Variants in CPAP observed in about 807,000 individuals in gnomAD.
CPAP encodes the protein centrosomal P4.1-associated protein.
chr13:24,903,566 A>G, the CPAP span, among the ~76,000 whole-genome samples: 53 of 152,226 alleles, frequency 3.5e-4, no homozygotes, highest in Non-Finnish European at 1.5e-5. Context: ...AGCCTCCAGA[A>G]TCACAAGAAA....
chr13:24,893,010 G>A, the CPAP span: 1 of 704,230 alleles, frequency 1.4e-6, no homozygotes, highest in South Asian at 1.7e-5. Flanking sequence ...TAAGACGAAT[G>A]TCGTGGTTTT....
chr13:24,906,888 T>C, the CPAP span: 7 of 1,614,096 alleles, frequency 4.3e-6, no homozygotes, highest in Non-Finnish European at 5.9e-6. Context: ...TTAGTAAATC[T>C]AGCTAAACCT....
the CPAP span, chr13:24,903,774 T>C: frequency 1.2e-6 from 1 of 847,770 alleles, no homozygotes; most frequent in East Asian, 2.5e-5. Context: ...GTCATTTTAT[T>C]CAGTAAAAAA....
At chr13:24,908,344 A>C in the CPAP span, among the ~76,000 whole-genome samples, 1 of 148,040 alleles carries the variant, frequency 6.8e-6, no homozygotes, top group South Asian at 2.1e-4. Flanking sequence ...CACACCTGTA[A>C]TCCCAGCACT....
At chr13:24,899,690 C>A in the CPAP span, 1 of 833,826 alleles carries the variant, frequency 1.2e-6, no homozygotes, top group Middle Eastern at 2.2e-4. Flanking sequence ...AATTCATCTT[C>A]AATCCATAGG....
chr13:24,905,446 C>T, the CPAP span: 35 of 1,614,182 alleles, frequency 2.2e-5, no homozygotes, highest in East Asian at 5.1e-4. Flanking sequence ...TCATCATCAG[C>T]TCCGATGTAG....
chr13:24,907,090 C>A, the CPAP span: 1 of 1,612,534 alleles, frequency 6.2e-7, no homozygotes, highest in Non-Finnish European at 8.5e-7. Flanking sequence ...CAATTGCTGA[C>A]CTTCAGCTGT....
the CPAP span, chr13:24,904,069 G>C: frequency 6.2e-7 from 1 of 1,613,438 alleles, no homozygotes; most frequent in Non-Finnish European, 8.5e-7. Flanking sequence ...CTATGAAATA[G>C]GCCATAAATA....
chr13:24,909,883 G>A, the CPAP span: 14 of 1,613,810 alleles, frequency 8.7e-6, no homozygotes, highest in African/African-American at 5.3e-5. Flanking sequence ...GGAGACGCAC[G>A]TTTTGAAGTT....
the CPAP span, chr13:24,886,165 C>T: frequency 2.4e-5 from 12 of 509,678 alleles, no homozygotes; most frequent in Non-Finnish European, 4.2e-5. Flanking sequence ...GTGAATCTCT[C>T]TCTAAAAATA....
chr13:24,907,036 T>C, the CPAP span: 2 of 1,595,460 alleles, frequency 1.3e-6, no homozygotes, highest in Non-Finnish European at 1.7e-6. Flanking sequence ...AGGCAAATTA[T>C]AGATAAATCT....
chr13:24,883,919 G>C, the CPAP span: 1 of 1,612,828 alleles, frequency 6.2e-7, no homozygotes, highest in Non-Finnish European at 8.5e-7. Flanking sequence ...AGATGAACAG[G>C]TGTCACACTG....
chr13:24,883,188 T>A, the CPAP span: 1 of 1,613,876 alleles, frequency 6.2e-7, no homozygotes, highest in African/African-American at 1.3e-5. Flanking sequence ...CACAGCTCCG[T>A]GTCCATTAGC....
At chr13:24,921,915 G>A in the CPAP span, among the ~76,000 whole-genome samples, 1 of 152,038 alleles carries the variant, frequency 6.6e-6, no homozygotes, top group Non-Finnish European at 1.5e-5. Context: ...TATAAAAAAA[G>A]CGTCACCAGA....
chr13:24,913,198 T>C, the CPAP span: 2 of 605,244 alleles, frequency 3.3e-6, no homozygotes, highest in Admixed American at 3.0e-5. Context: ...CAATATTTCA[T>C]ATACAAAAGA....
the CPAP span, among the ~76,000 whole-genome samples, chr13:24,893,025 G>A: frequency 1.3e-5 from 2 of 152,142 alleles, no homozygotes; most frequent in South Asian, 2.1e-4. Flanking sequence ...GGTTTTCAGC[G>A]GCGGGAGGAG....
At chr13:24,916,111 G>A in the CPAP span, among the ~76,000 whole-genome samples, 3 of 152,174 alleles carry the variant, frequency 2.0e-5, no homozygotes, top group African/African-American at 7.2e-5. Flanking sequence ...GAATTACATA[G>A]AAAAGCAAGG....
the CPAP span, among the ~76,000 whole-genome samples, chr13:24,928,584 C>G: frequency 3.3e-5 from 5 of 152,146 alleles, no homozygotes; most frequent in Non-Finnish European, 1.5e-5. Flanking sequence ...GCACACACCA[C>G]TATGCCTGGC....
the CPAP span, among the ~76,000 whole-genome samples, chr13:24,928,339 C>G: frequency 2.6e-5 from 4 of 152,146 alleles, no homozygotes; most frequent in African/African-American, 9.7e-5. Context: ...TCTAGACAAA[C>G]CCAAGAAAAA....
Sources: gnomAD v4.1 joint callset for allele counts (sites outside exome capture counted in the v4.1 genomes callset) on GRCh38, gnomAD v4.1.1 for gene constraint, MANE v1.5 for transcripts, NCBI Gene and HGNC (gene_info 2026-07-23, HGNC 2026-07-21) for gene names.